The following TOPAZ1 variants were observed in gnomAD, a reference collection of about 807,000 sequenced individuals.
The protein encoded by TOPAZ1 is protein TOPAZ1.
A neutral mutation model predicts 172.2 loss-of-function variants in TOPAZ1; 66 were observed. The ratio of observed to expected loss-of-function variants is 0.38; its 90% CI spans 0.31 to 0.47. The LOEUF is 0.47. Ranked by LOEUF, TOPAZ1 falls within the 20% of genes least tolerant of loss-of-function variation. The probability of loss-of-function intolerance (pLI) is 0.99; values close to 1 mark genes in which losing one functional copy is unlikely to be tolerated. For missense variants in TOPAZ1, 1,822 were observed against 1,972.4 expected (o/e 0.92, Z 1.44); for synonymous variants, 681 against 683.9 (o/e 1.00, Z 0.07).
chr3:44,332,693 G>A (rs1200128948), downstream of TOPAZ1, among the ~76,000 whole-genome samples: 5 of 152,010 alleles, frequency 3.3e-5, no homozygotes, highest in Non-Finnish European at 5.9e-5. Context: ...CATTCTCCAA[G>A]GTGGTAATCC....
intron 12 of TOPAZ1, among the ~76,000 whole-genome samples, chr3:44,300,383 G>A (rs1700257229): frequency 6.6e-6 from 1 of 151,886 alleles, no homozygotes; most frequent in Non-Finnish European, 1.5e-5. Context: ...AACTGAGATC[G>A]TGCCACTGCA....
At chr3:44,274,455 A>G (rs1057465836) in intron 8 of TOPAZ1, among the ~76,000 whole-genome samples, 2 of 152,100 alleles carry the variant, frequency 1.3e-5, no homozygotes, top group African/African-American at 4.8e-5. Context: ...AAAAGAGTTT[A>G]AGTAAAAGAA....
chr3:44,302,442 C>G (rs561071046), intron 12 of TOPAZ1, among the ~76,000 whole-genome samples: 1 of 152,276 alleles, frequency 6.6e-6, no homozygotes, highest in Non-Finnish European at 1.5e-5. Flanking sequence ...AAATGTCCAT[C>G]TTTACCTCCA....
chr3:44,298,932 T>C (rs1232994523), intron 12 of TOPAZ1, among the ~76,000 whole-genome samples: 5 of 54,804 alleles, frequency 9.1e-5, no homozygotes, highest in Non-Finnish European at 1.8e-4. Flanking sequence ...TTTTTTTTTT[T>C]TTCCCCCTGA....
At chr3:44,268,274 C>G (rs1463399556) in intron 6 of TOPAZ1, among the ~76,000 whole-genome samples, 1 of 150,090 alleles carries the variant, frequency 6.7e-6, no homozygotes, top group Non-Finnish European at 1.5e-5. Context: ...GGCTCTCTTT[C>G]TGGCTTGCAG....
At chr3:44,323,351 CAGAATTTATAATATATA>C in intron 18 of TOPAZ1, 56 bp downstream of exon 18, 3 of 1,100,690 alleles carry the variant, frequency 2.7e-6, no homozygotes, top group Non-Finnish European at 3.8e-6. Flanking sequence ...TTCTCTAACC[CAGAATTTATAATATATA>C]AGATTAGATA....
intron 4 of TOPAZ1, among the ~76,000 whole-genome samples, chr3:44,259,883 ATGGTT>A (rs1436021214): frequency 6.6e-6 from 1 of 152,192 alleles, no homozygotes; most frequent in East Asian, 1.9e-4. Context: ...ATGTCCTGAT[ATGGTT>A]TGGCCGTGGT....
intron 15 of TOPAZ1, among the ~76,000 whole-genome samples, chr3:44,307,964 A>C (rs1047197385): frequency 1.3e-4 from 20 of 152,100 alleles, no homozygotes; most frequent in African/African-American, 4.8e-4. Flanking sequence ...CTATCTAACA[A>C]GAAGATCCTT....
intron 2 of TOPAZ1, among the ~76,000 whole-genome samples, chr3:44,252,963 T>TTTAA (rs1699652095): frequency 6.6e-6 from 1 of 152,198 alleles, no homozygotes; most frequent in African/African-American, 2.4e-5. Flanking sequence ...AAACGCCTCC[T>TTTAA]GGTGAAAGTG....
chr3:44,266,288 G>T (rs1699829532), intron 5 of TOPAZ1, among the ~76,000 whole-genome samples: 1 of 152,158 alleles, frequency 6.6e-6, no homozygotes, highest in African/African-American at 2.4e-5. Context: ...TCCGCAGTAA[G>T]ACTGTTTCAC....
chr3:44,251,989 CTTTT>C (rs1216441258), intron 2 of TOPAZ1, among the ~76,000 whole-genome samples: 1 of 151,910 alleles, frequency 6.6e-6, no homozygotes, highest in African/African-American at 2.4e-5. Flanking sequence ...GTGAATTTAA[CTTTT>C]TGTCTCTCAA....
Position 44,323,149 on chromosome 3 carries a change from T to C in TOPAZ1, c.4529T>C (p.Ile1510Thr). 2 of 1,549,900 alleles carry C rather than the reference T, an allele frequency of 1.3e-6. No homozygotes were observed. The highest frequency in any genetic ancestry group is 1.7e-6 in the Non-Finnish European group (2 of 1,145,776). The change falls in exon 18 of 20, where the codon ATA (isoleucine) becomes ACA (threonine). Residue 1510 changes from isoleucine to threonine, a missense_variant. Ile to Thr is a moderately conservative substitution (Grantham distance 89). Coordinates refer to ENST00000309765, the MANE Select transcript of TOPAZ1 (RefSeq NM_001145030.2). Reference protein sequence around the residue: ...LLFNKLLGSCIESSSLGMSSS... With the variant: ...LLFNKLLGSCTESSSLGMSSS... ...TTTAATAAGCTTCTAGGTTCCTGTA[T>C]AGAAAGCAGTAGTCTTGGTATGTCA...
intron 8 of TOPAZ1, among the ~76,000 whole-genome samples, chr3:44,280,695 ATAG>A (rs1700013468): frequency 6.6e-6 from 1 of 152,128 alleles, no homozygotes; most frequent in African/African-American, 2.4e-5. Context: ...ATGGTTGCAA[ATAG>A]TAGAATTTGT....
At chr3:44,296,180 T>C (rs576749156) in intron 12 of TOPAZ1, among the ~76,000 whole-genome samples, 1 of 152,112 alleles carries the variant, frequency 6.6e-6, no homozygotes, top group South Asian at 2.1e-4. Context: ...AAAATGAAAA[T>C]ATGTCACAAC....
chr3:44,284,195 G>A (rs796114250), intron 9 of TOPAZ1, among the ~76,000 whole-genome samples: 4 of 152,248 alleles, frequency 2.6e-5, no homozygotes, highest in African/African-American at 9.6e-5. Context: ...TCAATGTTGT[G>A]TAACCATCAC....
intron 15 of TOPAZ1, among the ~76,000 whole-genome samples, chr3:44,308,295 A>T (rs1411839837): frequency 1.3e-5 from 1 of 76,234 alleles, no homozygotes; most frequent in Non-Finnish European, 2.6e-5. Flanking sequence ...ACCCCATGAC[A>T]GGCCCCAGTG....
In TOPAZ1 at chr3:44,326,434, T is replaced by C. The variant is rs563581369; in HGVS notation, c.4676-1816T>C. 1.3e-4 allele frequency among the ~76,000 whole-genome samples: 20 copies of C among 152,354 alleles called. 2 individuals are homozygous for C. In the South Asian group the frequency reaches 4.1e-3, roughly 32 times the overall value. ...GTTGAGGACCTTTTCATACAGTTAT[T>C]GGTCATTCGTATATTTTCTTTTGAG... On this transcript the variant is annotated intron_variant, in intron 18 of 19. Transcript: ENST00000309765.
At chr3:44,257,184 A>T (rs1373745510) in intron 4 of TOPAZ1, among the ~76,000 whole-genome samples, 1 of 151,692 alleles carries the variant, frequency 6.6e-6, no homozygotes, top group Non-Finnish European at 1.5e-5. Flanking sequence ...ATTTTTTTTT[A>T]ATTAGCAAGG....
Position 44,328,260 on chromosome 3 carries a change from C to T in TOPAZ1, c.4686C>T (p.Ser1562=). 1 of 1,484,654 alleles carries T rather than the reference C, an allele frequency of 6.7e-7. No individual in the cohort carries two copies. The highest frequency in any genetic ancestry group is 8.9e-7 in the Non-Finnish European group (1 of 1,122,426). The allele number at this position is 1,484,654 out of a possible 1,614,324, so 92.0% of individuals were successfully genotyped here. A position where few individuals can be genotyped will look rare whatever the true frequency, so the allele number is the denominator to read the frequency against. The change falls in exon 19 of 20, where the codon TCC becomes TCT. Residue 1562 remains serine, a synonymous_variant. Coordinates refer to ENST00000309765, the MANE Select transcript of TOPAZ1 (RefSeq NM_001145030.2). ...KARAHYKSAL[S]LGCYPPLEGN... ...TATTTGATTTTTCAGGTGCTCTTTC[C>T]TTGGGTTGCTACCCACCATTGGAAG...
Sources: allele counts gnomAD v4.1 joint callset (sites outside exome capture counted in the v4.1 genomes callset), GRCh38; gene constraint gnomAD v4.1.1; transcripts MANE v1.5; gene names NCBI Gene and HGNC (gene_info 2026-07-23, HGNC 2026-07-21).